Variants in UMPS observed in about 807,000 individuals in gnomAD.
UMPS encodes uridine 5'-monophosphate synthase.
In UMPS, 21 loss-of-function variants were observed where a neutral mutation model predicts 38.9. The observed-to-expected ratio is 0.54, with a 90% CI of 0.38 to 0.78. The LOEUF (loss-of-function observed/expected upper bound fraction) is 0.78, where lower values mean the gene tolerates loss of function less well. Among genes scored for constraint, UMPS ranks in the 30% least tolerant of loss-of-function variants. The pLI, the probability that UMPS is intolerant of heterozygous loss-of-function variation, is 0.00. For missense variants in UMPS, 533 were observed against 591.6 expected (o/e 0.90, Z 1.03); for synonymous variants, 208 against 219.3 (o/e 0.95, Z 0.45).
In UMPS at chr3:124,745,043, C is replaced by T. The variant is rs1316641776; in HGVS notation, c.*959C>T. On this transcript the variant is annotated 3_prime_UTR_variant, in exon 6 of 6. Transcript: ENST00000232607. Reference sequence around the variant, plus strand: ...CAGCAATTATGGACCAGTAGTAACACAAGTGACAGCTTCCTGTGACTGACT... The same window carrying T: ...CAGCAATTATGGACCAGTAGTAACATAAGTGACAGCTTCCTGTGACTGACT... The T allele has an allele frequency of 2.2e-6, 1 of 454,116 alleles. No individual in the cohort carries two copies. Among genetic ancestry groups the T allele is most frequent in the Non-Finnish European group, 4.4e-6 (1 of 226,786 alleles). The allele number at this position is 454,116 out of a possible 1,614,324, so 28.1% of individuals were successfully genotyped here.
At chr3:124,738,398 CT>C in intron 3 of UMPS, 159 bp downstream of exon 3, 1 of 729,786 alleles carries the variant, frequency 1.4e-6, no homozygotes, top group Non-Finnish European at 2.3e-6. Flanking sequence ...CTTGCTTTCT[CT>C]CCATCTCTCA....
intron 1 of UMPS, among the ~76,000 whole-genome samples, chr3:124,734,836 T>C (rs1438921385): frequency 1.3e-5 from 2 of 152,022 alleles, no homozygotes; most frequent in African/African-American, 4.8e-5. Context: ...CTGACCAACA[T>C]AGTGAAACCC....
intron 5 of UMPS, chr3:124,742,571 T>A (rs1487700917): frequency 5.9e-6 from 2 of 340,778 alleles, no homozygotes; most frequent in Non-Finnish European, 1.1e-5. Flanking sequence ...TCTGTACTTA[T>A]AAGCCCTTAT....
intron 1 of UMPS, chr3:124,733,683 G>A (rs570017908): frequency 4.4e-5 from 7 of 158,684 alleles, no homozygotes; most frequent in South Asian, 1.9e-4. Context: ...GGCATGCATC[G>A]GACATAGTAT....
rs1301885950 is a variant in UMPS, at chr3:124,748,599, TCTCA to T, written c.*4517_*4520del. ...CTCAGAGTCAGATCCTGGTGTGGGC[TCTCA>T]CGTGCTGCTGCTGAATCCCAGGGAA... is the stretch of plus-strand genomic sequence containing the variant. On this transcript the variant is annotated 3_prime_UTR_variant, in exon 6 of 6. Coordinates refer to ENST00000232607, the MANE Select transcript of UMPS (RefSeq NM_000373.4). The T allele has an allele frequency of 8.8e-6, 4 of 453,894 alleles. No individual in the cohort carries two copies. Among genetic ancestry groups the T allele is most frequent in the South Asian group, 3.1e-5 (2 of 64,468 alleles). 28.1% of individuals were successfully genotyped at this position (453,894 alleles called of 1,614,324 possible). A position where few individuals can be genotyped will look rare whatever the true frequency, so the allele number is the denominator to read the frequency against.
chr3:124,740,010 C>G lies in UMPS; in HGVS notation c.983-14C>G. Reference sequence around the variant, plus strand: ...TGAAAATCAGCAAATATCTTTTTTCCCCCTTCTTCTTAGGAGGTATCTTTA... The same window carrying G: ...TGAAAATCAGCAAATATCTTTTTTCGCCCTTCTTCTTAGGAGGTATCTTTA... On this transcript the variant is annotated splice_polypyrimidine_tract_variant and intron_variant, in intron 3 of 5. Coordinates refer to ENST00000232607, the MANE Select transcript of UMPS (RefSeq NM_000373.4). 1 of 1,613,708 alleles carries G rather than the reference C, an allele frequency of 6.2e-7. No homozygotes were observed. Among genetic ancestry groups the G allele is most frequent in the South Asian group, 1.1e-5 (1 of 91,052 alleles).
intron 4 of UMPS, among the ~76,000 whole-genome samples, chr3:124,740,797 G>C (rs568929636): frequency 3.3e-5 from 5 of 151,992 alleles, no homozygotes; most frequent in Non-Finnish European, 5.9e-5. Context: ...AAATGAAAAA[G>C]AAAATAACCA....
chr3:124,739,881 A>T, intron 3 of UMPS, 143 bp from the exon 4 acceptor site: 6 of 811,396 alleles, frequency 7.4e-6, no homozygotes, highest in Non-Finnish European at 1.2e-5. Flanking sequence ...TCTGCTGATA[A>T]TCACTAAAGT....
At chr3:124,731,148 A>G (rs1038691106) in intron 1 of UMPS, among the ~76,000 whole-genome samples, 1 of 152,138 alleles carries the variant, frequency 6.6e-6, no homozygotes, top group Admixed American at 6.5e-5. Context: ...CAAGGCTGCA[A>G]TGAGCTGTCA....
chr3:124,730,485 G>A lies in UMPS; in HGVS notation c.14G>A (p.Arg5His). The change falls in exon 1 of 6, where the codon CGT (arginine) becomes CAT (histidine). Residue 5 changes from arginine to histidine, a missense_variant. By Grantham distance (29) the Arg-to-His change is conservative (BLOSUM62 0). Transcript: ENST00000232607. ...CAGCGCGCGACAATGGCGGTCGCTC[G>A]TGCAGCTTTGGGGCCATTGGTGACG... The part of the protein sequence containing the change: MAVA[R>H]AALGPLVTGL... 1 of 1,614,158 alleles carries A rather than the reference G, an allele frequency of 6.2e-7. No individual in the cohort carries two copies. The highest frequency in any genetic ancestry group is 8.5e-7 in the Non-Finnish European group (1 of 1,179,996).
Position 124,737,646 on chromosome 3 carries a change from C to A in UMPS, c.389C>A (p.Ser130Tyr), listed in dbSNP as rs771381379. 2 of 1,614,180 alleles carry A rather than the reference C, an allele frequency of 1.2e-6. No homozygotes were observed. The highest frequency in any genetic ancestry group is 8.5e-7 in the Non-Finnish European group (1 of 1,180,044). ...LIIEDVVTSG[S>Y]SVLETVEVLQ... The stretch of plus-strand genomic sequence containing the variant: ...ATTGAAGATGTTGTCACCAGTGGAT[C>A]TAGTGTTTTGGAAACTGTTGAGGTT... Residue 130 changes from serine (S) to tyrosine (Y), a missense_variant, in exon 3 of 6, where the codon TCT (serine) becomes TAT (tyrosine). Ser to Tyr is a moderately radical substitution (Grantham distance 144). Transcript: ENST00000232607.
Position 124,747,316 on chromosome 3 carries a change from A to C in UMPS, c.*3232A>C. ...ATCTGGGTCATCAGACCTGGCTGTC[A>C]GGGGTGCAGCCACAGGAGAGCCAAC... On this transcript the variant is annotated 3_prime_UTR_variant, in exon 6 of 6. Transcript: ENST00000232607. 2.2e-6 allele frequency: 1 copy of C among 455,282 alleles called. No homozygotes were observed. The allele number at this position is 455,282 out of a possible 1,614,324, so 28.2% of individuals were successfully genotyped here. A position where few individuals can be genotyped will look rare whatever the true frequency, so the allele number is the denominator to read the frequency against.
rs1369562088 is a variant in UMPS at position 124,747,861 on chromosome 3, C to T, written c.*3777C>T. On this transcript the variant is annotated 3_prime_UTR_variant, in exon 6 of 6. Transcript: ENST00000232607. ...CTTGTGTGAATCCTGTACTTTAACA[C>T]AGTGGACCAAGTGTCAGTCATTGAA... The T allele has an allele frequency of 4.4e-6, 2 of 453,690 alleles. No homozygotes were observed. Among genetic ancestry groups the T allele is most frequent in the East Asian group, 1.4e-4 (2 of 14,378 alleles). 28.1% of individuals were successfully genotyped at this position (453,690 alleles called of 1,614,324 possible). A position where few individuals can be genotyped will look rare whatever the true frequency, so the allele number is the denominator to read the frequency against.
At chr3:124,732,465 T>G (rs10934682) in intron 1 of UMPS, 26,672 of 154,784 alleles carry the variant, frequency 0.17, 2,514 homozygotes, top group Admixed American at 0.25. Context: ...GCAGAATCCA[T>G]TTCTGTAGCT....
In UMPS at chr3:124,746,554, G is replaced by C. The variant is rs1394155375; in HGVS notation, c.*2470G>C. Reference sequence around the variant, plus strand: ...GCATTGAAGTATTTTGGAGGCATTAGATAGTTTAACCCTTTCTCAGTCAAG... The same window carrying C: ...GCATTGAAGTATTTTGGAGGCATTACATAGTTTAACCCTTTCTCAGTCAAG... On this transcript the variant is annotated 3_prime_UTR_variant, in exon 6 of 6. Transcript: ENST00000232607. The C allele has an allele frequency of 4.4e-6, 2 of 454,136 alleles. No individual in the cohort carries two copies. The highest frequency in any genetic ancestry group is 4.7e-5 in the Admixed American group (2 of 42,584). 28.1% of individuals were successfully genotyped at this position (454,136 alleles called of 1,614,324 possible).
Position 124,742,577 on chromosome 3 carries a change from C to G in UMPS, c.1273+311C>G, listed in dbSNP as rs546428439. On this transcript the variant is annotated intron_variant, in intron 5 of 5. Coordinates refer to ENST00000232607, the MANE Select transcript of UMPS (RefSeq NM_000373.4). ...AGTAAACACTCTGTACTTATAAGCC[C>G]TTATTCGTAAGCCCTAATAATTGTT... The G allele has an allele frequency of 1.3e-5, 4 of 306,382 alleles. No individual in the cohort carries two copies. The East Asian group carries it at 2.8e-4, about 21-fold the overall frequency. 19.0% of individuals were successfully genotyped at this position (306,382 alleles called of 1,614,324 possible). A position where few individuals can be genotyped will look rare whatever the true frequency, so the allele number is the denominator to read the frequency against.
At position 124,745,503 on chromosome 3, in the gene UMPS, A is replaced by G. The variant is rs1227947139; in HGVS notation, c.*1419A>G. On this transcript the variant is annotated 3_prime_UTR_variant, in exon 6 of 6. Coordinates refer to ENST00000232607, the MANE Select transcript of UMPS (RefSeq NM_000373.4). Reference sequence around the variant, plus strand: ...CTCAGCCTCCCGAGTAGCTGGGACTACAAGCCTAGGATTTTTAACTCAGGT... The same window carrying G: ...CTCAGCCTCCCGAGTAGCTGGGACTGCAAGCCTAGGATTTTTAACTCAGGT... 3 of 453,838 alleles carry G rather than the reference A, an allele frequency of 6.6e-6. No homozygotes were observed. The highest frequency in any genetic ancestry group is 6.9e-5 in the East Asian group (1 of 14,408). The allele number at this position is 453,838 out of a possible 1,614,324, so 28.1% of individuals were successfully genotyped here. A position where few individuals can be genotyped will look rare whatever the true frequency, so the allele number is the denominator to read the frequency against.
intron 3 of UMPS, 50 bp downstream of exon 3, chr3:124,738,289 TGAA>T: frequency 6.3e-7 from 1 of 1,586,458 alleles, no homozygotes; most frequent in Non-Finnish European, 8.6e-7. Flanking sequence ...CAGCTTAAAC[TGAA>T]GAAGAAAAAG....
At position 124,749,217 on chromosome 3, in the gene UMPS, T is replaced by C. The variant is rs1318184065; in HGVS notation, c.*5133T>C. ...AGAGATGATGTTGAGTTAAAAAAAA[T>C]ATATACATAAAAATATGGGTTCTTT... is the stretch of plus-strand genomic sequence containing the variant. On this transcript the variant is annotated 3_prime_UTR_variant, in exon 6 of 6. Transcript: ENST00000232607. 3 of 453,662 alleles carry C rather than the reference T, an allele frequency of 6.6e-6. No homozygotes were observed. Among genetic ancestry groups the C allele is most frequent in the Non-Finnish European group, 1.3e-5 (3 of 226,694 alleles). The allele number at this position is 453,662 out of a possible 1,614,324, so 28.1% of individuals were successfully genotyped here. A position where few individuals can be genotyped will look rare whatever the true frequency, so the allele number is the denominator to read the frequency against.
Sources: gnomAD v4.1 joint callset for allele counts (sites outside exome capture counted in the v4.1 genomes callset) on GRCh38, gnomAD v4.1.1 for gene constraint, MANE v1.5 for transcripts, NCBI Gene and HGNC (gene_info 2026-07-23, HGNC 2026-07-21) for gene names.